Variants in MOK observed in about 807,000 individuals in gnomAD.
MOK encodes the protein MOK protein kinase.
In MOK, 59 loss-of-function variants were observed where a neutral mutation model predicts 54.2. The ratio of observed to expected loss-of-function variants is 1.09; its 90% CI spans 0.88 to 1.35. The LOEUF is 1.35. MOK is among the 40% of genes most tolerant of loss of function. The pLI is 0.00. For missense variants in MOK, 517 were observed against 526.2 expected, an observed-to-expected ratio of 0.98 and a Z score of 0.17; for synonymous variants, 210 against 202.7, an observed-to-expected ratio of 1.04 and a Z score of -0.31.
chr14:102,284,877 T>C (rs998828855), intron 1 of MOK, among the ~76,000 whole-genome samples: 2 of 151,612 alleles, frequency 1.3e-5, no homozygotes, highest in African/African-American at 2.4e-5. Flanking sequence ...AGGTCAGGAG[T>C]TCCAGACCAG....
At chr14:102,216,160 C>T in the MOK span, among the ~76,000 whole-genome samples, 1 of 152,174 alleles carries the variant, frequency 6.6e-6, no homozygotes, top group African/African-American at 2.4e-5. Context: ...GTCAGCAGAG[C>T]CTCCAGTGCT....
downstream of MOK, chr14:102,223,070 G>T (rs1342788265): frequency 1.7e-6 from 1 of 571,728 alleles, no homozygotes; most frequent in African/African-American, 1.9e-5. Flanking sequence ...CAAAGAAGTT[G>T]TTTCCATTTT....
chr14:102,258,858 G>A (rs992669078), intron 4 of MOK, among the ~76,000 whole-genome samples: 1 of 152,170 alleles, frequency 6.6e-6, no homozygotes, highest in South Asian at 2.1e-4. Flanking sequence ...ACGAGGTCAG[G>A]AGTTTGAGAC....
intron 7 of MOK, among the ~76,000 whole-genome samples, chr14:102,244,132 A>T (rs1055319326): frequency 3.9e-5 from 6 of 152,206 alleles, no homozygotes; most frequent in Admixed American, 3.3e-4. Context: ...TTTACTTCCA[A>T]AGGAAGCTGG....
At chr14:102,233,594 G>T in intron 8 of MOK, 94 bp downstream of exon 8, 1 of 1,067,742 alleles carries the variant, frequency 9.4e-7, no homozygotes, top group Non-Finnish European at 1.4e-6. Context: ...GAGCTCCTGA[G>T]AGGGGTTTGA....
rs2065654635 is a variant in MOK, at chr14:102,240,796, G to A, written c.591-7007C>T. ...GCTGCTCACCCACATTGCAGCCCAG[G>A]GCTGCTCACCACCCTCCTTATCTGT... On this transcript the variant is annotated intron_variant, in intron 7 of 11. Coordinates refer to ENST00000361847, the MANE Select transcript of MOK (RefSeq NM_014226.3). This position sits in a 1 kb window ranked among gnomAD's most constrained non-coding sequence, Gnocchi z 5.4. Among the ~76,000 whole-genome samples, 1 of 152,114 alleles carries A rather than the reference G, an allele frequency of 6.6e-6. No individual in the cohort carries two copies. Among genetic ancestry groups the A allele is most frequent in the Admixed American group, 6.5e-5 (1 of 15,272 alleles).
chr14:102,286,495 C>T (rs1463389301), intron 1 of MOK, among the ~76,000 whole-genome samples: 1 of 151,846 alleles, frequency 6.6e-6, no homozygotes, highest in Non-Finnish European at 1.5e-5. Flanking sequence ...CCTGTCATCC[C>T]AGCTACTCAG....
At chr14:102,302,965 C>A (rs904335112) in intron 1 of MOK, among the ~76,000 whole-genome samples, 2 of 151,308 alleles carry the variant, frequency 1.3e-5, no homozygotes, top group Non-Finnish European at 2.9e-5. Flanking sequence ...AGTTTGAGAC[C>A]AGCCTGGCCA....
At chr14:102,226,749 G>A (rs372271738), downstream of MOK, among the ~76,000 whole-genome samples, 6 of 152,192 alleles carry the variant, frequency 3.9e-5, 1 homozygote, top group East Asian at 3.9e-4. This position sits in a 1 kb window ranked among gnomAD's most constrained non-coding sequence, Gnocchi z 4.8. Flanking sequence ...AAATCTGTAG[G>A]AAATCATCAC....
intron 1 of MOK, among the ~76,000 whole-genome samples, chr14:102,294,530 C>T (rs527404248): frequency 7.9e-5 from 12 of 151,978 alleles, no homozygotes; most frequent in African/African-American, 2.9e-4. Context: ...TAGGAGAATC[C>T]TCTGAGCCCG....
At chr14:102,266,116 C>T (rs977189949) in intron 2 of MOK, among the ~76,000 whole-genome samples, 9 of 152,012 alleles carry the variant, frequency 5.9e-5, no homozygotes, top group Non-Finnish European at 8.8e-5. Context: ...CTAGAACATA[C>T]GTTAAAATTT....
At chr14:102,248,579 C>A (rs1280605364) in intron 7 of MOK, among the ~76,000 whole-genome samples, 1 of 152,006 alleles carries the variant, frequency 6.6e-6, no homozygotes, top group African/African-American at 2.4e-5. Flanking sequence ...GAGATCAAGA[C>A]CATCCTGGCT....
At chr14:102,265,943 TCA>T in intron 2 of MOK, 31 bp from the exon 3 acceptor site, 1 of 1,521,740 alleles carries the variant, frequency 6.6e-7, no homozygotes, top group South Asian at 1.1e-5. Context: ...GATAGCTCAT[TCA>T]CAGTTTAGGT....
chr14:102,241,386 G>C lies in MOK; in HGVS notation c.591-7597C>G, dbSNP rs112332109. On this transcript the variant is annotated intron_variant, in intron 7 of 11. Transcript: ENST00000361847. ...CACAGGGTCCAGCTTACAGTTTCACGTGGGGAGACTAGCCCTCCCGCACCT... is the reference window on the plus strand; with the variant it reads ...CACAGGGTCCAGCTTACAGTTTCACCTGGGGAGACTAGCCCTCCCGCACCT... Among the ~76,000 whole-genome samples the C allele has an allele frequency of 3.1e-3, 472 of 152,246 alleles. 2 individuals carry two copies. Among genetic ancestry groups the C allele is most frequent in the African/African-American group, 9.7e-3 (401 of 41,534 alleles).
In MOK at chr14:102,302,158, C is replaced by T. The variant is rs189375105; in HGVS notation, c.7+2804G>A. ...TGCGATCTCAGCTCACTGCAACGCC[C>T]CCCTCCCAGGTTCAAGCGATTCCCC... On this transcript the variant is annotated intron_variant, in intron 1 of 11. Coordinates refer to ENST00000361847, the MANE Select transcript of MOK (RefSeq NM_014226.3). Among the ~76,000 whole-genome samples the T allele has an allele frequency of 5.9e-3, 892 of 151,316 alleles. 4 individuals are homozygous for T. Among genetic ancestry groups the T allele is most frequent in the Non-Finnish European group, 8.6e-3 (582 of 67,874 alleles).
Position 102,235,562 on chromosome 14 carries a change from A to G in MOK, c.591-1773T>C, listed in dbSNP as rs1393664128. 6.6e-6 allele frequency: 1 copy of G among 152,170 alleles called. No homozygotes were observed. Among genetic ancestry groups the G allele is most frequent in the African/African-American group, 2.4e-5 (1 of 41,432 alleles). The allele number at this position is 152,170 out of a possible 1,614,324, so 9.4% of individuals were successfully genotyped here. A position where few individuals can be genotyped will look rare whatever the true frequency, so the allele number is the denominator to read the frequency against. On this transcript the variant is annotated intron_variant, in intron 7 of 11. Coordinates refer to ENST00000361847, the MANE Select transcript of MOK (RefSeq NM_014226.3). This position sits in a 1 kb window ranked among gnomAD's most constrained non-coding sequence, Gnocchi z 4.4. ...GGCCCCTGCCAGACCTCCTGTAATC[A>G]TATGATTACTTGCCTCACTGCAGGC...
chr14:102,259,817 G>A (rs568816546), intron 4 of MOK, among the ~76,000 whole-genome samples: 28 of 152,156 alleles, frequency 1.8e-4, no homozygotes, highest in Non-Finnish European at 2.4e-4. Flanking sequence ...AGGCCAAGGC[G>A]GGCAGATCAC....
rs1385666395 is a variant in MOK at position 102,235,836 on chromosome 14, CCTTAA to C, written c.591-2052_591-2048del. On this transcript the variant is annotated intron_variant, in intron 7 of 11. Coordinates refer to ENST00000361847, the MANE Select transcript of MOK (RefSeq NM_014226.3). The surrounding 1 kb of genome is among the most constrained non-coding windows in gnomAD (Gnocchi z 4.4). ...CCCCTCAGACCCCACAACGAGACCT[CCTTAA>C]CTTGGCTTTCAAAGTCTTTAATAAC... Among the ~76,000 whole-genome samples, 1 of 152,158 alleles carries C rather than the reference CCTTAA, an allele frequency of 6.6e-6. No homozygotes were observed. Among genetic ancestry groups the C allele is most frequent in the African/African-American group, 2.4e-5 (1 of 41,430 alleles).
intron 7 of MOK, among the ~76,000 whole-genome samples, chr14:102,243,828 C>A (rs2065894514): frequency 6.6e-6 from 1 of 152,248 alleles, no homozygotes; most frequent in Admixed American, 6.5e-5. Context: ...GGCAGTTCCA[C>A]CAGGCCTAAT....
Sources: gnomAD v4.1 joint callset for allele counts (sites outside exome capture counted in the v4.1 genomes callset) on GRCh38, gnomAD v4.1.1 for gene constraint, Gnocchi (gnomAD v3.1) non-coding constraint, MANE v1.5 for transcripts, NCBI Gene and HGNC (gene_info 2026-07-23, HGNC 2026-07-21) for gene names.